Variants in LPAR3 observed in about 807,000 individuals in gnomAD.
The protein encoded by LPAR3 is LPA receptor 3.
Under a neutral mutation model 17.8 loss-of-function variants are expected in LPAR3, and 7 were observed. The observed-to-expected ratio is 0.39, with a 90% CI of 0.22 to 0.74. The LOEUF (loss-of-function observed/expected upper bound fraction) is 0.74, where lower values mean the gene tolerates loss of function less well. Among genes scored for constraint, LPAR3 ranks in the 30% least tolerant of loss-of-function variants. The pLI, the probability that LPAR3 is intolerant of heterozygous loss-of-function variation, is 0.40. For synonymous variants in LPAR3, 179 were observed against 179.9 expected, an observed-to-expected ratio of 0.99 and a Z score of 0.04; for missense variants, 391 against 453.4, an observed-to-expected ratio of 0.86 and a Z score of 1.25.
At chr1:84,876,671 G>A (rs950729671) in intron 1 of LPAR3, among the ~76,000 whole-genome samples, 1 of 152,174 alleles carries the variant, frequency 6.6e-6, no homozygotes, top group African/African-American at 2.4e-5. Flanking sequence ...CGGTTACCAG[G>A]TTGACTATAT....
At chr1:84,820,999 T>C (rs1303937671) in intron 2 of LPAR3, among the ~76,000 whole-genome samples, 1 of 150,938 alleles carries the variant, frequency 6.6e-6, no homozygotes, top group East Asian at 1.9e-4. Context: ...GCATGTTCCA[T>C]AAAACTTGTT....
intron 2 of LPAR3, among the ~76,000 whole-genome samples, chr1:84,832,807 G>C (rs1229783774): frequency 6.6e-6 from 1 of 152,186 alleles, no homozygotes; most frequent in East Asian, 1.9e-4. Context: ...GAACAGAAGA[G>C]TGTGAGGCTC....
At chr1:84,832,972 A>G (rs1441286121) in intron 2 of LPAR3, among the ~76,000 whole-genome samples, 1 of 152,250 alleles carries the variant, frequency 6.6e-6, no homozygotes, top group Non-Finnish European at 1.5e-5. Context: ...ACAAAAATAA[A>G]TATTTTGTAA....
chr1:84,834,066 G>A (rs556422861), intron 2 of LPAR3, among the ~76,000 whole-genome samples: 13 of 152,278 alleles, frequency 8.5e-5, no homozygotes, highest in Admixed American at 2.6e-4. Flanking sequence ...AAAGACCTGC[G>A]TGGTAGAAGT....
chr1:84,844,361 T>A (rs1345834949), intron 2 of LPAR3, among the ~76,000 whole-genome samples: 1 of 152,228 alleles, frequency 6.6e-6, no homozygotes, highest in African/African-American at 2.4e-5. Context: ...GTGTGAATTA[T>A]AAAAACCTGA....
intron 2 of LPAR3, among the ~76,000 whole-genome samples, chr1:84,817,261 TCACACACACACA>T (rs71097861): frequency 6.8e-6 from 1 of 147,428 alleles, no homozygotes; most frequent in Non-Finnish European, 1.5e-5. Context: ...CCAGGATCTA[TCACACACACACA>T]CACACACACA....
chr1:84,884,264 A>C (rs898357451), intron 1 of LPAR3, among the ~76,000 whole-genome samples: 3 of 152,208 alleles, frequency 2.0e-5, no homozygotes, highest in Non-Finnish European at 2.9e-5. Context: ...GTAAGGGATA[A>C]ATATGTCTGC....
At chr1:84,855,614 AG>A (rs35695184) in intron 2 of LPAR3, among the ~76,000 whole-genome samples, 1 of 152,338 alleles carries the variant, frequency 6.6e-6, no homozygotes, top group Non-Finnish European at 1.5e-5. Context: ...GTTCTGAAGA[AG>A]GGGGCATGAG....
In LPAR3 at chr1:84,858,556, A is replaced by G. The variant is rs1659875211; in HGVS notation, c.736+6829T>C. 2.6e-5 allele frequency among the ~76,000 whole-genome samples: 4 copies of G among 151,644 alleles called. No individual in the cohort carries two copies. The South Asian group carries it at 8.3e-4, about 32-fold the overall frequency. On this transcript the variant is annotated intron_variant, in intron 2 of 2. Transcript: ENST00000370611. Reference sequence around the variant, plus strand: ...TCCCTCCCTTGTCTACCTGACAGGCATGTCTCAGCCAGAGCCCATCTAAGG... The same window carrying G: ...TCCCTCCCTTGTCTACCTGACAGGCGTGTCTCAGCCAGAGCCCATCTAAGG...
intron 2 of LPAR3, among the ~76,000 whole-genome samples, chr1:84,847,239 A>G (rs1160576500): frequency 6.6e-6 from 1 of 152,116 alleles, no homozygotes; most frequent in East Asian, 1.9e-4. Flanking sequence ...CACTGCTTTC[A>G]TAGTAACTCT....
At chr1:84,834,078 G>T (rs1659347097) in intron 2 of LPAR3, among the ~76,000 whole-genome samples, 1 of 152,204 alleles carries the variant, frequency 6.6e-6, no homozygotes, top group Non-Finnish European at 1.5e-5. Context: ...GGTAGAAGTA[G>T]TGTGCTGAGA....
chr1:84,883,290 A>T (rs35604148), intron 1 of LPAR3, among the ~76,000 whole-genome samples: 1 of 152,170 alleles, frequency 6.6e-6, no homozygotes. Context: ...GACCAAAGGA[A>T]GAATCCTTTC....
At chr1:84,821,708 C>T (rs1452081263) in intron 2 of LPAR3, among the ~76,000 whole-genome samples, 2 of 152,094 alleles carry the variant, frequency 1.3e-5, no homozygotes, top group Admixed American at 1.3e-4. Context: ...TAGCTAAAAT[C>T]CAGGTGAAAC....
At chr1:84,887,471 G>A (rs1660483087) in intron 1 of LPAR3, among the ~76,000 whole-genome samples, 1 of 152,110 alleles carries the variant, frequency 6.6e-6, no homozygotes, top group South Asian at 2.1e-4. Flanking sequence ...GTAGGTACAG[G>A]TTTAATGAGG....
At chr1:84,841,137 A>G (rs914995327) in intron 2 of LPAR3, among the ~76,000 whole-genome samples, 19 of 152,324 alleles carry the variant, frequency 1.2e-4, no homozygotes, top group African/African-American at 4.6e-4. Context: ...AATGAAAATA[A>G]TAAGTATTCA....
chr1:84,868,284 G>C (rs553736407), intron 1 of LPAR3, among the ~76,000 whole-genome samples: 1 of 151,938 alleles, frequency 6.6e-6, no homozygotes, highest in Non-Finnish European at 1.5e-5. Context: ...TAATTTTTGT[G>C]TTTTTAGTAG....
intron 2 of LPAR3, among the ~76,000 whole-genome samples, chr1:84,844,304 T>A (rs1022893377): frequency 5.9e-5 from 9 of 152,238 alleles, no homozygotes; most frequent in Non-Finnish European, 1.3e-4. Flanking sequence ...ATAGTTCTGG[T>A]CTTTTCAAAT....
At chr1:84,843,284 G>A (rs1659540543) in intron 2 of LPAR3, among the ~76,000 whole-genome samples, 1 of 152,238 alleles carries the variant, frequency 6.6e-6, no homozygotes, top group South Asian at 2.1e-4. Flanking sequence ...GGAATCCTGA[G>A]TAGGGGGTAG....
intron 2 of LPAR3, among the ~76,000 whole-genome samples, chr1:84,840,172 C>G (rs1659480601): frequency 6.6e-6 from 1 of 152,198 alleles, no homozygotes. Flanking sequence ...AGTTCTCCTG[C>G]CTTGGCCTCC....
Sources: allele counts gnomAD v4.1 joint callset (sites outside exome capture counted in the v4.1 genomes callset), GRCh38; gene constraint gnomAD v4.1.1; transcripts MANE v1.5; gene names NCBI Gene and HGNC (gene_info 2026-07-23, HGNC 2026-07-21).